STARD13: variants seen among roughly 807,000 people sequenced by gnomAD.
STARD13 encodes stAR-related lipid transfer protein 13.
In STARD13, 62 loss-of-function variants were observed where a neutral mutation model predicts 106.4. The observed-to-expected ratio is 0.58, with a 90% CI of 0.48 to 0.72. The LOEUF (loss-of-function observed/expected upper bound fraction) is 0.72, where lower values mean the gene tolerates loss of function less well. Among genes scored for constraint, STARD13 ranks in the 30% least tolerant of loss-of-function variants. The probability of loss-of-function intolerance (pLI) is 0.00; values close to 1 mark genes in which losing one functional copy is unlikely to be tolerated. For missense variants in STARD13, 1,387 were observed against 1,424.0 expected, an observed-to-expected ratio of 0.97 and a Z score of 0.42; for synonymous variants, 565 against 553.0, an observed-to-expected ratio of 1.02 and a Z score of -0.31.
At chr13:33,472,932 C>T in the STARD13 span, among the ~76,000 whole-genome samples, 813 of 152,256 alleles carry the variant, frequency 5.3e-3, 18 homozygotes, top group South Asian at 0.038. Flanking sequence ...TTACCCTCCC[C>T]TCAGGCAGTT....
chr13:33,327,757 A>G (rs1009790013), intron 1 of STARD13, among the ~76,000 whole-genome samples: 3 of 152,222 alleles, frequency 2.0e-5, no homozygotes, highest in Non-Finnish European at 4.4e-5. Flanking sequence ...TTGTCCTTTC[A>G]AATACATGGT....
chr13:33,164,020 T>A (rs1256392038), intron 3 of STARD13: 2 of 152,026 alleles, frequency 1.3e-5, no homozygotes, highest in African/African-American at 4.8e-5. Context: ...TCATTACCTT[T>A]ACAGAATCAC....
chr13:33,342,730 C>T (rs1018199062), intron 1 of STARD13, among the ~76,000 whole-genome samples: 16 of 152,098 alleles, frequency 1.1e-4, no homozygotes, highest in African/African-American at 3.9e-4. Flanking sequence ...AGTTCTAGGA[C>T]CAAATTTGTA....
At chr13:33,658,219 T>C in the STARD13 span, 9 of 153,948 alleles carry the variant, frequency 5.8e-5, no homozygotes, top group African/African-American at 2.2e-4. Flanking sequence ...GGTTCATCCA[T>C]GTTGTAGCAT....
At chr13:33,614,912 C>G in the STARD13 span, among the ~76,000 whole-genome samples, 1 of 152,106 alleles carries the variant, frequency 6.6e-6, no homozygotes, top group Non-Finnish European at 1.5e-5. Flanking sequence ...CTGGACCAAC[C>G]AGTAGGATTT....
At chr13:33,143,951 T>A (rs1173684591) in intron 3 of STARD13, among the ~76,000 whole-genome samples, 2 of 152,234 alleles carry the variant, frequency 1.3e-5, no homozygotes, top group African/African-American at 4.8e-5. Context: ...GTACCCATCA[T>A]TCCTTGAAAT....
chr13:33,567,150 A>T, the STARD13 span, among the ~76,000 whole-genome samples: 1 of 148,284 alleles, frequency 6.7e-6, no homozygotes, highest in African/African-American at 2.5e-5. Flanking sequence ...CTAGGTACTC[A>T]CACTCACTCA....
At chr13:33,311,203 G>A (rs754913581) in intron 1 of STARD13, among the ~76,000 whole-genome samples, 3 of 151,988 alleles carry the variant, frequency 2.0e-5, no homozygotes, top group East Asian at 1.9e-4. Context: ...AGGCTGAGGC[G>A]GGATGATCTC....
At chr13:33,197,045 A>G (rs1196517782) in intron 1 of STARD13, among the ~76,000 whole-genome samples, 2 of 152,204 alleles carry the variant, frequency 1.3e-5, no homozygotes, top group Non-Finnish European at 2.9e-5. Flanking sequence ...ATATGAGTGT[A>G]TATTCAACAA....
intron 3 of STARD13, among the ~76,000 whole-genome samples, chr13:33,147,773 T>A (rs926843700): frequency 2.0e-5 from 3 of 152,114 alleles, no homozygotes; most frequent in Non-Finnish European, 4.4e-5. Flanking sequence ...ACCAACACAA[T>A]AATGAAGGGG....
the STARD13 span, among the ~76,000 whole-genome samples, chr13:33,631,076 G>A: frequency 7.9e-5 from 12 of 152,234 alleles, 1 homozygote; most frequent in Admixed American, 2.6e-4. Context: ...ATTATATACC[G>A]GTGGAAATAA....
Position 33,317,531 on chromosome 13 carries a change from G to C in STARD13, c.124+32759C>G, listed in dbSNP as rs79048065. Among the ~76,000 whole-genome samples, 747 of 152,026 alleles carry C rather than the reference G, an allele frequency of 4.9e-3. 7 individuals carry two copies. The highest frequency in any genetic ancestry group is 0.017 in the African/African-American group (701 of 41,462). ...CAATTCTCCACTTTCTCTTTGTCTG[G>C]AACACTCATCCCCCTGATCTAAGAG... On this transcript the variant is annotated intron_variant, in intron 1 of 5. Coordinates refer to the STARD13 transcript ENST00000567873.
chr13:33,255,105 C>CT (rs984680385), intron 1 of STARD13, among the ~76,000 whole-genome samples: 2 of 141,118 alleles, frequency 1.4e-5, no homozygotes, highest in Non-Finnish European at 3.2e-5. Flanking sequence ...TGCTCCCCCC[C>CT]CCCTCAGAGG....
At position 33,110,851 on chromosome 13, in the gene STARD13, G is replaced by A. The variant is rs147272225; in HGVS notation, c.2664C>T (p.His888=). 268 of 1,613,976 alleles carry A rather than the reference G, an allele frequency of 1.7e-4. No homozygotes were observed. The highest frequency in any genetic ancestry group is 3.5e-4 in the Admixed American group (21 of 60,022). ...SRNSYVEAEI[H]VPTLEELGTQ... ...TCCCCAATTCTTCCAGGGTTGGCAC[G>A]TGGATCTCAGCCTCCACATACGAGT... is the stretch of plus-strand genomic sequence containing the variant. Residue 888 remains histidine, a synonymous_variant, in exon 11 of 14, where the codon CAC becomes CAT. Coordinates refer to ENST00000336934, the MANE Select transcript of STARD13 (RefSeq NM_178006.4).
At chr13:33,676,458 G>T in the STARD13 span, among the ~76,000 whole-genome samples, 3 of 152,142 alleles carry the variant, frequency 2.0e-5, no homozygotes, top group African/African-American at 7.2e-5. Flanking sequence ...CTACATGACC[G>T]TTTCATTATG....
chr13:33,531,413 G>T, the STARD13 span, among the ~76,000 whole-genome samples: 1 of 152,166 alleles, frequency 6.6e-6, no homozygotes, highest in African/African-American at 2.4e-5. Context: ...TCTTGTGAAT[G>T]CCATTCAAAT....
chr13:33,111,885 G>C lies in STARD13; in HGVS notation c.2500C>G (p.Gln834Glu), dbSNP rs759889897. The change falls in exon 10 of 14, where the codon CAG becomes GAG. Residue 834 changes from glutamine (Q) to glutamate (E), a missense_variant. By Grantham distance (29) the Gln-to-Glu change is conservative. Coordinates refer to ENST00000336934, the MANE Select transcript of STARD13 (RefSeq NM_178006.4). ...LKKESSPRVI[Q>E]KKYATGKPDQ... ...GGCTTCCCAGTGGCATATTTCTTCTGTATGACTCTGTAATTGAACGTGAGT... is the reference window on the plus strand; with the variant it reads ...GGCTTCCCAGTGGCATATTTCTTCTCTATGACTCTGTAATTGAACGTGAGT... The C allele has an allele frequency of 8.7e-6, 14 of 1,607,570 alleles. No homozygotes were observed. The highest frequency in any genetic ancestry group is 1.3e-5 in the African/African-American group (1 of 74,780).
chr13:33,635,759 G>A, the STARD13 span, among the ~76,000 whole-genome samples: 1 of 151,894 alleles, frequency 6.6e-6, no homozygotes, highest in Non-Finnish European at 1.5e-5. Context: ...GAGGTGGGCA[G>A]ATCACTTGAG....
the STARD13 span, among the ~76,000 whole-genome samples, chr13:33,460,209 C>T: frequency 7.2e-5 from 11 of 151,872 alleles, no homozygotes; most frequent in Admixed American, 1.3e-4. Flanking sequence ...AAGATTGGGC[C>T]GGGCACGATG....
Sources: allele counts gnomAD v4.1 joint callset (sites outside exome capture counted in the v4.1 genomes callset), GRCh38; gene constraint gnomAD v4.1.1; transcripts MANE v1.5; gene names NCBI Gene and HGNC (gene_info 2026-07-23, HGNC 2026-07-21).